Variants in SLC44A5 observed in about 807,000 individuals in gnomAD.
SLC44A5 encodes solute carrier family 44 member 5.
In SLC44A5, 57 loss-of-function variants were observed where a neutral mutation model predicts 101.8. The observed-to-expected ratio is 0.56, with a 90% CI of 0.45 to 0.70. SLC44A5 has a LOEUF of 0.70. Ranked by LOEUF, SLC44A5 falls within the 30% of genes least tolerant of loss-of-function variation. The pLI, the probability that SLC44A5 is intolerant of heterozygous loss-of-function variation, is 0.00. For synonymous variants in SLC44A5, 281 were observed against 290.9 expected (o/e 0.97, Z 0.35); for missense variants, 737 against 853.1 (o/e 0.86, Z 1.70).
intron 4 of SLC44A5, among the ~76,000 whole-genome samples, chr1:75,309,167 G>A (rs1655115331): frequency 1.3e-5 from 2 of 152,168 alleles, no homozygotes; most frequent in Admixed American, 1.3e-4. Flanking sequence ...GTTTTAGGCT[G>A]GCATAGCGGC....
intron 1 of SLC44A5, among the ~76,000 whole-genome samples, chr1:75,573,184 G>T (rs1362287764): frequency 5.4e-5 from 4 of 74,046 alleles, no homozygotes; most frequent in Non-Finnish European, 1.1e-4. Context: ...ACTAAAGCAA[G>T]AAATAATGAT....
chr1:75,245,233 C>T (rs764594410), intron 7 of SLC44A5, among the ~76,000 whole-genome samples: 10 of 152,140 alleles, frequency 6.6e-5, no homozygotes, highest in African/African-American at 1.2e-4. Flanking sequence ...CTCATCCACA[C>T]GTGTGCATGC....
intron 1 of SLC44A5, among the ~76,000 whole-genome samples, chr1:75,606,539 A>G (rs1217182382): frequency 6.6e-6 from 1 of 152,026 alleles, no homozygotes; most frequent in Non-Finnish European, 1.5e-5. Context: ...CACAACTCCC[A>G]TCCCCAGCCA....
chr1:75,462,798 A>G (rs964804536), intron 2 of SLC44A5, among the ~76,000 whole-genome samples: 1 of 152,092 alleles, frequency 6.6e-6, no homozygotes, highest in Non-Finnish European at 1.5e-5. Flanking sequence ...CAGAAGAATG[A>G]ATTAGTGAGC....
intron 5 of SLC44A5, among the ~76,000 whole-genome samples, chr1:75,289,086 T>A (rs951402577): frequency 6.6e-6 from 1 of 152,170 alleles, no homozygotes; most frequent in Non-Finnish European, 1.5e-5. Context: ...TCCTGAGGGG[T>A]CCAGTAGTTA....
intron 2 of SLC44A5, among the ~76,000 whole-genome samples, chr1:75,488,025 G>GGTATGC (rs1557839460): frequency 1.9e-3 from 285 of 152,288 alleles, no homozygotes; most frequent in African/African-American, 6.2e-3. Flanking sequence ...GGGGATCTAC[G>GGTATGC]TTGTATGCTT....
intron 2 of SLC44A5, among the ~76,000 whole-genome samples, chr1:75,500,791 T>C (rs907239522): frequency 7.2e-5 from 11 of 152,160 alleles, no homozygotes; most frequent in Admixed American, 5.9e-4. Context: ...AATGAGCATT[T>C]CACTTCAAAG....
chr1:75,227,707 C>A lies in SLC44A5; in HGVS notation c.985+19G>T. ...CTCATTATTACAATTTTAATGAAAC[C>A]AGTTTTTAAAATACTCACTAAATGT... is the stretch of plus-strand genomic sequence containing the variant. On this transcript the variant is annotated intron_variant, in intron 13 of 23. Coordinates refer to ENST00000370859, the MANE Select transcript of SLC44A5 (RefSeq NM_001130058.2). 1 of 1,530,920 alleles carries A rather than the reference C, an allele frequency of 6.5e-7. No individual in the cohort carries two copies. The allele number at this position is 1,530,920 out of a possible 1,614,324, so 94.8% of individuals were successfully genotyped here.
intron 2 of SLC44A5, among the ~76,000 whole-genome samples, chr1:75,528,678 T>C (rs1670558714): frequency 6.6e-6 from 1 of 152,216 alleles, no homozygotes; most frequent in Admixed American, 6.5e-5. Flanking sequence ...CTGGAAAAGC[T>C]TTTAATGACT....
At position 75,252,767 on chromosome 1, in the gene SLC44A5, A is replaced by G. The variant is rs114485971; in HGVS notation, c.261-1473T>C. On this transcript the variant is annotated intron_variant, in intron 6 of 23. Coordinates refer to ENST00000370859, the MANE Select transcript of SLC44A5 (RefSeq NM_001130058.2). Reference sequence around the variant, plus strand: ...CCACAAGAGAATTGAAAAAAAGTCAATGAGGCAGAAAGAGGGCAGCAGTAA... The same window carrying G: ...CCACAAGAGAATTGAAAAAAAGTCAGTGAGGCAGAAAGAGGGCAGCAGTAA... 7.8e-3 allele frequency among the ~76,000 whole-genome samples: 1,195 copies of G among 152,312 alleles called. 22 individuals are homozygous for G. Among genetic ancestry groups the G allele is most frequent in the African/African-American group, 0.027 (1,132 of 41,568 alleles).
rs947075290 is a variant in SLC44A5, at chr1:75,308,191, G to A, written c.102-7506C>T. ...ATAATATTGATAATATCTTTCAAAT[G>A]TATTAGGTTATATAAGATAACATTT... On this transcript the variant is annotated intron_variant, in intron 4 of 23. Transcript: ENST00000370859. 2.0e-5 allele frequency among the ~76,000 whole-genome samples: 3 copies of A among 152,100 alleles called. No individual in the cohort carries two copies. The South Asian group carries it at 6.2e-4, about 32-fold the overall frequency.
intron 1 of SLC44A5, among the ~76,000 whole-genome samples, chr1:75,604,767 ATG>A (rs1374706146): frequency 1.3e-5 from 1 of 79,176 alleles, no homozygotes; most frequent in Non-Finnish European, 3.5e-5. Context: ...GTGTGTGTGT[ATG>A]TGTGTGTGTA....
intron 2 of SLC44A5, among the ~76,000 whole-genome samples, chr1:75,466,561 CAGG>C (rs748279172): frequency 7.4e-5 from 11 of 149,028 alleles, no homozygotes; most frequent in Non-Finnish European, 1.6e-4. Flanking sequence ...GGGGCCAAAG[CAGG>C]AGAATTGCTT....
the SLC44A5 span, among the ~76,000 whole-genome samples, chr1:75,702,869 C>G: frequency 7.2e-5 from 11 of 152,176 alleles, no homozygotes; most frequent in East Asian, 7.7e-4. Context: ...AGACACCTCT[C>G]AAAAGAAGAC....
chr1:75,409,552 A>G (rs1039153830), intron 2 of SLC44A5, among the ~76,000 whole-genome samples: 1 of 152,176 alleles, frequency 6.6e-6, no homozygotes, highest in Admixed American at 6.5e-5. Context: ...TGGCCCTACA[A>G]TACTTCAGTC....
At chr1:75,563,747 C>A (rs1005700770) in intron 1 of SLC44A5, among the ~76,000 whole-genome samples, 1 of 152,110 alleles carries the variant, frequency 6.6e-6, no homozygotes, top group African/African-American at 2.4e-5. Flanking sequence ...TCCTAAACCA[C>A]ATAATAAGTG....
At chr1:75,660,242 A>G in the SLC44A5 span, among the ~76,000 whole-genome samples, 1 of 152,192 alleles carries the variant, frequency 6.6e-6, no homozygotes, top group Non-Finnish European at 1.5e-5. Flanking sequence ...CAAAATGATC[A>G]TTTCAGTACA....
chr1:75,629,898 T>C, the SLC44A5 span, among the ~76,000 whole-genome samples: 2 of 152,146 alleles, frequency 1.3e-5, no homozygotes, highest in Non-Finnish European at 1.5e-5. Context: ...GAAAACAAAC[T>C]GAGAACCACA....
At chr1:75,476,660 G>C (rs1223501304) in intron 2 of SLC44A5, among the ~76,000 whole-genome samples, 1 of 152,232 alleles carries the variant, frequency 6.6e-6, no homozygotes, top group Non-Finnish European at 1.5e-5. Flanking sequence ...TAGCACAGCA[G>C]TCTGAGATCA....
Sources: allele counts gnomAD v4.1 joint callset (sites outside exome capture counted in the v4.1 genomes callset), GRCh38; gene constraint gnomAD v4.1.1; transcripts MANE v1.5; gene names NCBI Gene and HGNC (gene_info 2026-07-23, HGNC 2026-07-21).